Variants in SLC25A26 observed in about 807,000 individuals in gnomAD.
SLC25A26 encodes solute carrier family 25 member 26.
SLC25A26 carries 36 observed loss-of-function variants against 37.8 expected under a neutral mutation model. The ratio of observed to expected loss-of-function variants is 0.95; its 90% CI spans 0.73 to 1.26. The LOEUF is 1.26. Ranked by LOEUF, SLC25A26 falls within the 50% of genes most tolerant of loss-of-function variation. The pLI is 0.00. For missense variants in SLC25A26, 390 were observed against 331.1 expected (o/e 1.18, Z -1.38); for synonymous variants, 129 against 122.5 (o/e 1.05, Z -0.35).
intron 5 of SLC25A26, among the ~76,000 whole-genome samples, chr3:66,311,120 G>A (rs1015595900): frequency 5.3e-5 from 8 of 152,004 alleles, no homozygotes; most frequent in African/African-American, 9.7e-5. Flanking sequence ...TGTCACTTTC[G>A]GGTACACCAA....
intron 5 of SLC25A26, among the ~76,000 whole-genome samples, chr3:66,271,475 G>A (rs932679615): frequency 2.6e-5 from 4 of 152,138 alleles, no homozygotes; most frequent in Admixed American, 2.6e-4. Context: ...CTATGAAGAA[G>A]GGGAAGGGCA....
chr3:66,371,456 A>G, intron 9 of SLC25A26: 1 of 1,360,790 alleles, frequency 7.3e-7, no homozygotes, highest in African/African-American at 1.5e-5. Flanking sequence ...AGAGCAGCAC[A>G]TCCTAGATTG....
chr3:66,331,698 C>T (rs2075977697), intron 5 of SLC25A26, among the ~76,000 whole-genome samples: 1 of 152,080 alleles, frequency 6.6e-6, no homozygotes, highest in Admixed American at 6.5e-5. Context: ...GGAAATTCTA[C>T]TGTATATTTC....
At chr3:66,250,248 C>G (rs144607459) in intron 3 of SLC25A26, among the ~76,000 whole-genome samples, 31 of 152,176 alleles carry the variant, frequency 2.0e-4, no homozygotes, top group African/African-American at 7.5e-4. Context: ...TGGTCCTTAC[C>G]TAGTGATGTG....
At chr3:66,162,871 A>G (rs2070379529) in intron 1 of SLC25A26, among the ~76,000 whole-genome samples, 1 of 152,222 alleles carries the variant, frequency 6.6e-6, no homozygotes, top group Non-Finnish European at 1.5e-5. Context: ...ATCCTCACAA[A>G]TTAACTCCAG....
chr3:66,315,884 T>C (rs1333871183), intron 5 of SLC25A26, among the ~76,000 whole-genome samples: 1 of 152,214 alleles, frequency 6.6e-6, no homozygotes, highest in Non-Finnish European at 1.5e-5. Context: ...TTTTGTCTTT[T>C]TTAATGTTTG....
intron 1 of SLC25A26, among the ~76,000 whole-genome samples, chr3:66,140,381 A>C (rs544392143): frequency 6.6e-6 from 1 of 152,264 alleles, no homozygotes; most frequent in African/African-American, 2.4e-5. Context: ...TAGCATCACC[A>C]AGACAGCTAG....
rs1351819286 is a variant in SLC25A26, at chr3:66,274,575, C to T, written c.453+11196C>T. ...ACAAGAAAAAAACAAACAACCCCATCAAAAAGTAGGCAAAGGATATGAACA... is the reference window on the plus strand; with the variant it reads ...ACAAGAAAAAAACAAACAACCCCATTAAAAAGTAGGCAAAGGATATGAACA... On this transcript the variant is annotated intron_variant, in intron 5 of 9. Coordinates refer to ENST00000354883, the MANE Select transcript of SLC25A26 (RefSeq NM_001379210.1). 3.3e-5 allele frequency among the ~76,000 whole-genome samples: 5 copies of T among 152,204 alleles called. No homozygotes were observed. The East Asian group carries it at 9.6e-4, about 29-fold the overall frequency.
chr3:66,354,240 G>A (rs1021419978), intron 6 of SLC25A26, among the ~76,000 whole-genome samples: 1 of 151,854 alleles, frequency 6.6e-6, no homozygotes, highest in Non-Finnish European at 1.5e-5. Flanking sequence ...TGTCAGGTCC[G>A]AGTGGTTTTG....
intron 5 of SLC25A26, among the ~76,000 whole-genome samples, chr3:66,273,999 A>G (rs1206650637): frequency 6.6e-6 from 1 of 152,198 alleles, no homozygotes; most frequent in Non-Finnish European, 1.5e-5. Context: ...ACTTCAAACT[A>G]TACTACAAGG....
chr3:66,230,825 A>C (rs1323875040), intron 1 of SLC25A26, among the ~76,000 whole-genome samples: 6 of 150,814 alleles, frequency 4.0e-5, no homozygotes, highest in African/African-American at 1.5e-4. Context: ...AAAAACAAAA[A>C]AAAACCAGAA....
At chr3:66,308,286 G>T (rs2075281966) in intron 5 of SLC25A26, among the ~76,000 whole-genome samples, 1 of 152,158 alleles carries the variant, frequency 6.6e-6, no homozygotes, top group Admixed American at 6.5e-5. Flanking sequence ...GTTCACTCAT[G>T]ATTTGGCTCT....
intron 5 of SLC25A26, among the ~76,000 whole-genome samples, chr3:66,314,952 G>C (rs71308809): frequency 6.6e-6 from 1 of 151,680 alleles, no homozygotes; most frequent in Admixed American, 6.6e-5. Context: ...TTGTATTTCT[G>C]TGGGGTCGCC....
At chr3:66,148,508 C>A (rs146602339) in intron 1 of SLC25A26, among the ~76,000 whole-genome samples, 10 of 152,202 alleles carry the variant, frequency 6.6e-5, no homozygotes, top group Admixed American at 6.5e-4. Context: ...CTAGTCTCAA[C>A]CCAGTGAAAG....
intron 6 of SLC25A26, among the ~76,000 whole-genome samples, chr3:66,352,418 C>G (rs1039419661): frequency 6.9e-6 from 1 of 145,680 alleles, no homozygotes; most frequent in African/African-American, 2.7e-5. Flanking sequence ...AGCGCCTCCC[C>G]TCGTTTTTTG....
chr3:66,306,985 A>G (rs2075244381), intron 5 of SLC25A26, among the ~76,000 whole-genome samples: 1 of 150,540 alleles, frequency 6.6e-6, no homozygotes, highest in Non-Finnish European at 1.5e-5. Context: ...GTGTGCCTTT[A>G]TAGTAGAATG....
chr3:66,229,093 T>A (rs1347070412), intron 1 of SLC25A26, among the ~76,000 whole-genome samples: 1 of 152,240 alleles, frequency 6.6e-6, no homozygotes, highest in African/African-American at 2.4e-5. Context: ...AGTATTTGCA[T>A]GTCAGTATTG....
At chr3:66,267,453 T>A (rs905858448) in intron 5 of SLC25A26, among the ~76,000 whole-genome samples, 2 of 152,128 alleles carry the variant, frequency 1.3e-5, no homozygotes, top group Non-Finnish European at 2.9e-5. Context: ...CTCAGCTGTT[T>A]GCCAGGGACT....
rs532447022 is a variant in SLC25A26, at chr3:66,287,295, C to CAA, written c.453+23933_453+23934dup. 4.0e-3 allele frequency among the ~76,000 whole-genome samples: 366 copies of CAA among 92,124 alleles called. 1 individual carries two copies. Among genetic ancestry groups the CAA allele is most frequent in the East Asian group, 0.021 (68 of 3,180 alleles). The allele number at this position is 92,124 out of a possible 152,430, so 60.4% of individuals were successfully genotyped here. Reference sequence around the variant, plus strand: ...TGGGCGACAGAGCGAGACTCCGTCTCAAAAAAAAAAAAAAAAAATCTCAAA... The same window carrying CAA: ...TGGGCGACAGAGCGAGACTCCGTCTCAAAAAAAAAAAAAAAAAAAATCTCAAA... On this transcript the variant is annotated intron_variant, in intron 5 of 9. Transcript: ENST00000354883.
Sources: allele counts gnomAD v4.1 joint callset (sites outside exome capture counted in the v4.1 genomes callset), GRCh38; gene constraint gnomAD v4.1.1; transcripts MANE v1.5; gene names NCBI Gene and HGNC (gene_info 2026-07-23, HGNC 2026-07-21).